Variants in FAM86B1 observed in about 807,000 individuals in gnomAD.
FAM86B1 encodes family with sequence similarity 86 member B1 (gene/pseudogene), also known as putative protein N-methyltransferase FAM86B1.
For missense variants in FAM86B1, 13 were observed against 328.1 expected (o/e 0.04, Z 7.42); for synonymous variants, 4 against 137.6 (o/e 0.03, Z 6.79).
At chr8:12,190,704 C>A (rs1270301366) in intron 2 of FAM86B1, among the ~76,000 whole-genome samples, 2 of 88,338 alleles carry the variant, frequency 2.3e-5, no homozygotes, top group African/African-American at 1.1e-4. Flanking sequence ...CCTGCCTCAG[C>A]CTCCCGAGTA....
At chr8:12,194,575 T>G, upstream of FAM86B1, 1 of 139,666 alleles carries the variant, frequency 7.2e-6, no homozygotes, top group South Asian at 1.3e-4. Flanking sequence ...GTTGACTATG[T>G]CGTAGAACAT....
intron 3 of FAM86B1, chr8:12,188,136 TAC>T (rs1806122753): frequency 2.2e-6 from 2 of 909,332 alleles, no homozygotes; most frequent in Non-Finnish European, 1.5e-6. Context: ...GAGCACCTCG[TAC>T]AGTTTGTCCA....
Position 12,185,418 on chromosome 8 carries a change from C to A in FAM86B1, c.748G>T (p.Val250Phe). The A allele has an allele frequency of 1.3e-6, 2 of 1,588,186 alleles. No individual in the cohort carries two copies. The highest frequency in any genetic ancestry group is 1.1e-5 in the South Asian group (1 of 87,974). ...AGCTGGCACGTCTCTGGGTTGCGGA[C>A]GGTAAAGGCCACGTAGACCTCAGGA... is the stretch of plus-strand genomic sequence containing the variant. ...RAPEVYVAFT[V>F]RNPETCQLFT... The change falls in exon 6 of 7, where the codon GTC (valine) becomes TTC (phenylalanine). Residue 250 changes from valine to phenylalanine, a missense_variant. Physicochemically the swap from Val to Phe is conservative, Grantham distance 50. Transcript: ENST00000448228.
intron 2 of FAM86B1, among the ~76,000 whole-genome samples, chr8:12,191,280 C>T (rs1806823519): frequency 1.5e-5 from 1 of 64,900 alleles, no homozygotes; most frequent in African/African-American, 1.2e-4. Context: ...GTGATCTGCA[C>T]TTGGCCCTCA....
At chr8:12,191,025 C>T (rs549577141) in intron 2 of FAM86B1, among the ~76,000 whole-genome samples, 1 of 149,388 alleles carries the variant, frequency 6.7e-6, no homozygotes, top group Non-Finnish European at 1.5e-5. Flanking sequence ...TACTGTATTG[C>T]CCCGAAAGTC....
chr8:12,194,750 G>C (rs1807543226), upstream of FAM86B1: 1 of 152,458 alleles, frequency 6.6e-6, no homozygotes, highest in African/African-American at 2.8e-5. Flanking sequence ...GGGACCCAGG[G>C]ACTGGGAGGC....
rs1285164695 is a variant in FAM86B1, at chr8:12,189,290, ATAAATAAATAAG to A, written c.240+506_240+517del. ...AATAAATAAATAAATAAATAAATAAATAAATAAATAAGTAAAAAATAAAATCCATCCTATATC... is the reference window on the plus strand; with the variant it reads ...AATAAATAAATAAATAAATAAATAAATAAAAAATAAAATCCATCCTATATC... On this transcript the variant is annotated intron_variant, in intron 3 of 6. Transcript: ENST00000448228. Among the ~76,000 whole-genome samples the A allele has an allele frequency of 3.2e-3, 273 of 84,000 alleles. 3 individuals are homozygous for A. The highest frequency in any genetic ancestry group is 0.015 in the African/African-American group (196 of 12,764). 55.1% of individuals were successfully genotyped at this position (84,000 alleles called of 152,430 possible). A position where few individuals can be genotyped will look rare whatever the true frequency, so the allele number is the denominator to read the frequency against.
At chr8:12,194,284 G>C (rs568391291), upstream of FAM86B1, among the ~76,000 whole-genome samples, 67 of 147,998 alleles carry the variant, frequency 4.5e-4, 7 homozygotes, top group African/African-American at 1.6e-3. Flanking sequence ...AAGCGACATC[G>C]GGGCAGGTCC....
chr8:12,193,259 G>T (rs75015813), intron 1 of FAM86B1, among the ~76,000 whole-genome samples: 4 of 145,952 alleles, frequency 2.7e-5, no homozygotes, highest in Admixed American at 2.7e-4. Context: ...TATGTCAATG[G>T]AATAACACAA....
intron 1 of FAM86B1, among the ~76,000 whole-genome samples, chr8:12,192,499 C>A (rs1271096711): frequency 1.0e-4 from 13 of 130,596 alleles, no homozygotes; most frequent in African/African-American, 4.7e-4. Context: ...TATCTTGTTC[C>A]CCAAACCCTT....
chr8:12,189,613 GA>G (rs1806473952), intron 3 of FAM86B1, among the ~76,000 whole-genome samples, 194 bp downstream of exon 3: 1 of 39,678 alleles, frequency 2.5e-5, no homozygotes, highest in Non-Finnish European at 4.0e-5. Flanking sequence ...CAGACTCAGG[GA>G]GAGATGCTGG....
At chr8:12,193,412 T>A (rs1363872721) in intron 1 of FAM86B1, among the ~76,000 whole-genome samples, 1 of 138,366 alleles carries the variant, frequency 7.2e-6, no homozygotes, top group Non-Finnish European at 1.5e-5. Flanking sequence ...GGGAGGCTGC[T>A]GCCTGCCATG....
chr8:12,189,334 G>A (rs1271665027), intron 3 of FAM86B1, among the ~76,000 whole-genome samples: 364 of 112,640 alleles, frequency 3.2e-3, no homozygotes, highest in African/African-American at 0.017. Context: ...TATCAGTCAG[G>A]AAAGAGCTCA....
In FAM86B1 at chr8:12,192,830, G is replaced by C. The variant is rs1401539979; in HGVS notation, c.97-989C>G. Among the ~76,000 whole-genome samples the C allele has an allele frequency of 2.5e-4, 38 of 150,540 alleles. No individual in the cohort carries two copies. The South Asian group carries it at 7.3e-3, about 29-fold the overall frequency. ...CCGACATGCATTTACCATGAGCCAG[G>C]CACTGATCCGCAGGCATTTGTACTC... On this transcript the variant is annotated intron_variant, in intron 1 of 6. Transcript: ENST00000448228.
intron 3 of FAM86B1, among the ~76,000 whole-genome samples, chr8:12,187,177 T>C (rs1455230113): frequency 6.7e-5 from 2 of 30,030 alleles, no homozygotes; most frequent in Non-Finnish European, 9.2e-5. Flanking sequence ...GTTTTTCCTT[T>C]GTGGTTTTCT....
intron 2 of FAM86B1, among the ~76,000 whole-genome samples, chr8:12,191,024 G>A (rs1806766634): frequency 6.7e-6 from 1 of 148,980 alleles, no homozygotes; most frequent in African/African-American, 2.5e-5. Context: ...CTACTGTATT[G>A]CCCCGAAAGT....
At chr8:12,192,984 G>A (rs1358644102) in intron 1 of FAM86B1, among the ~76,000 whole-genome samples, 5 of 143,872 alleles carry the variant, frequency 3.5e-5, no homozygotes, top group Admixed American at 1.4e-4. Context: ...GCCAGGATTC[G>A]AAGCAGGCAG....
At chr8:12,193,642 TG>T in intron 1 of FAM86B1, 1 of 1,061,280 alleles carries the variant, frequency 9.4e-7, no homozygotes, top group Non-Finnish European at 1.3e-6. Flanking sequence ...CTTTTTAGAA[TG>T]GGCGAGTGCA....
At chr8:12,185,336 C>T (rs375801152) in intron 6 of FAM86B1, 40 bp downstream of exon 6, 3 of 1,576,920 alleles carry the variant, frequency 1.9e-6, no homozygotes, top group African/African-American at 1.4e-5. Context: ...GCAGGGACAG[C>T]TCGGGCACCA....
Sources: gnomAD v4.1 joint callset for allele counts (sites outside exome capture counted in the v4.1 genomes callset) on GRCh38, gnomAD v4.1.1 for gene constraint, MANE v1.5 for transcripts, NCBI Gene and HGNC (gene_info 2026-07-23, HGNC 2026-07-21) for gene names.